Variants in CIMAP1A observed in about 807,000 individuals in gnomAD.
The protein encoded by CIMAP1A is ciliary microtubule associated protein 1A.
chr11:199,608 G>T, the CIMAP1A span: 1 of 1,462,220 alleles, frequency 6.8e-7, no homozygotes, highest in Non-Finnish European at 9.0e-7. Flanking sequence ...GGACACAGAC[G>T]AGGGGAAACA....
chr11:198,815 C>T, the CIMAP1A span: 2 of 1,396,356 alleles, frequency 1.4e-6, no homozygotes, highest in Non-Finnish European at 9.3e-7. Context: ...GTGCTGAGGA[C>T]AAGAGATGGG....
At chr11:197,468 G>T in the CIMAP1A span, 4 of 1,590,910 alleles carry the variant, frequency 2.5e-6, no homozygotes, top group Non-Finnish European at 3.4e-6. Flanking sequence ...GCAGGTGGGG[G>T]TCCCGGGAAG....
At chr11:198,150 C>T in the CIMAP1A span, 1 of 1,590,494 alleles carries the variant, frequency 6.3e-7, no homozygotes, top group Non-Finnish European at 8.6e-7. Flanking sequence ...CCAAACTGGG[C>T]TGCATACCCA....
At chr11:198,862 T>G in the CIMAP1A span, 1 of 1,321,816 alleles carries the variant, frequency 7.6e-7, no homozygotes. Flanking sequence ...AGAGGCAATC[T>G]TAGATAGGGT....
At chr11:197,482 C>G in the CIMAP1A span, 11 of 1,594,814 alleles carry the variant, frequency 6.9e-6, no homozygotes, top group Middle Eastern at 1.7e-4. Context: ...CGGGAAGGGC[C>G]TGGGGCTCAA....
At chr11:197,384 G>C in the CIMAP1A span, 3 of 1,600,610 alleles carry the variant, frequency 1.9e-6, no homozygotes, top group Non-Finnish European at 2.6e-6. Flanking sequence ...AGCAGCCCTG[G>C]ACCCAAGTAC....
the CIMAP1A span, chr11:197,385 AC>A: frequency 5.6e-6 from 9 of 1,600,636 alleles, no homozygotes; most frequent in Admixed American, 3.4e-5. Context: ...GCAGCCCTGG[AC>A]CCAAGTACCT....
the CIMAP1A span, chr11:198,037 T>C: frequency 6.5e-7 from 1 of 1,540,444 alleles, no homozygotes; most frequent in Non-Finnish European, 8.7e-7. Context: ...AGCCCTGAAG[T>C]CAGCATTTCC....
the CIMAP1A span, chr11:200,133 G>T: frequency 8.3e-7 from 1 of 1,198,302 alleles, no homozygotes; most frequent in Non-Finnish European, 1.2e-6. Flanking sequence ...GGCCAGCCTG[G>T]CCCTGCAGGG....
chr11:198,015 C>A, the CIMAP1A span: 1 of 1,537,932 alleles, frequency 6.5e-7, no homozygotes, highest in Non-Finnish European at 8.7e-7. Context: ...CAAAAATAGC[C>A]TTTGTCTCAC....
At chr11:199,719 G>A in the CIMAP1A span, 7 of 1,435,542 alleles carry the variant, frequency 4.9e-6, no homozygotes, top group East Asian at 1.0e-4. Context: ...CCAGCACTAG[G>A]CCCACAGGTA....
the CIMAP1A span, chr11:198,741 C>A: frequency 7.5e-6 from 11 of 1,458,008 alleles, no homozygotes; most frequent in South Asian, 1.6e-4. Context: ...TGGGGTTACA[C>A]TGCAGTGGTG....
chr11:197,793 C>T, the CIMAP1A span: 14 of 1,603,514 alleles, frequency 8.7e-6, no homozygotes, highest in Middle Eastern at 1.6e-4. Context: ...TCCTGCCCTG[C>T]GCAGCCTCAG....
chr11:197,792 G>A, the CIMAP1A span: 1 of 1,606,172 alleles, frequency 6.2e-7, no homozygotes, highest in Non-Finnish European at 8.5e-7. Context: ...CTCCTGCCCT[G>A]CGCAGCCTCA....
At chr11:198,307 A>G in the CIMAP1A span, 2 of 1,613,750 alleles carry the variant, frequency 1.2e-6, no homozygotes, top group African/African-American at 1.3e-5. Flanking sequence ...CCAGGTCCGC[A>G]GCAGCCCCAA....
At chr11:197,548 A>G in the CIMAP1A span, 2 of 1,612,392 alleles carry the variant, frequency 1.2e-6, no homozygotes, top group East Asian at 2.2e-5. Context: ...CTCAGGGCCC[A>G]TTGCGTCCAC....
At chr11:199,868 C>G in the CIMAP1A span, 3 of 1,568,040 alleles carry the variant, frequency 1.9e-6, no homozygotes, top group South Asian at 2.4e-5. Context: ...AGGACAGCAG[C>G]CCAGCCCCAG....
the CIMAP1A span, chr11:198,926 G>A: frequency 8.3e-7 from 1 of 1,204,456 alleles, no homozygotes; most frequent in Middle Eastern, 3.4e-4. Flanking sequence ...TTTGGGGGAG[G>A]AGGGTCCTGG....
chr11:197,667 A>G, the CIMAP1A span: 3 of 1,613,690 alleles, frequency 1.9e-6, no homozygotes, highest in South Asian at 3.3e-5. Context: ...GTTACAATGT[A>G]AACCCCAAGA....
Sources: gnomAD v4.1 joint callset for allele counts on GRCh38, gnomAD v4.1.1 for gene constraint, MANE v1.5 for transcripts, NCBI Gene and HGNC (gene_info 2026-07-23, HGNC 2026-07-21) for gene names.